NEK11: variants seen among roughly 807,000 people sequenced by gnomAD.
The protein encoded by NEK11 is NIMA related kinase 11, also known as serine/threonine-protein kinase Nek11.
Under a neutral mutation model 80.7 loss-of-function variants are expected in NEK11, and 72 were observed. The ratio of observed to expected loss-of-function variants is 0.89; its 90% CI spans 0.74 to 1.08. The LOEUF (loss-of-function observed/expected upper bound fraction) is 1.08, where lower values mean the gene tolerates loss of function less well. Among genes scored for constraint, NEK11 ranks in the 50% least tolerant of loss-of-function variants. NEK11 has a pLI of 0.00. For synonymous variants in NEK11, 251 were observed against 260.7 expected, an observed-to-expected ratio of 0.96 and a Z score of 0.36; for missense variants, 764 against 763.6, an observed-to-expected ratio of 1.00 and a Z score of -0.01.
intron 5 of NEK11, among the ~76,000 whole-genome samples, chr3:131,132,253 T>C (rs1294573281): frequency 6.6e-6 from 1 of 152,052 alleles, no homozygotes; most frequent in East Asian, 1.9e-4. Flanking sequence ...TCTAGTTCTT[T>C]ATAATTCCAT....
At chr3:131,080,130 A>G (rs969312862) in intron 3 of NEK11, among the ~76,000 whole-genome samples, 4 of 152,046 alleles carry the variant, frequency 2.6e-5, no homozygotes, top group Non-Finnish European at 5.9e-5. Flanking sequence ...AGAGACACTG[A>G]AACATCTAGA....
At chr3:131,128,272 G>A (rs1322120811) in intron 5 of NEK11, among the ~76,000 whole-genome samples, 1 of 152,152 alleles carries the variant, frequency 6.6e-6, no homozygotes, top group African/African-American at 2.4e-5. Flanking sequence ...GTATCATAAA[G>A]TTGTTGCATG....
intron 3 of NEK11, among the ~76,000 whole-genome samples, chr3:131,078,827 G>C (rs543398493): frequency 1.3e-5 from 2 of 149,508 alleles, no homozygotes; most frequent in Non-Finnish European, 3.0e-5. Context: ...CCAGTTTTTG[G>C]CTGTATAGCC....
intron 17 of NEK11, among the ~76,000 whole-genome samples, chr3:131,282,108 T>C (rs2096404538): frequency 6.6e-6 from 1 of 152,066 alleles, no homozygotes; most frequent in Non-Finnish European, 1.5e-5. Flanking sequence ...TACTTTTTTT[T>C]CTCATTTAGC....
At chr3:131,184,667 G>A in intron 14 of NEK11, 1 of 715,308 alleles carries the variant, frequency 1.4e-6, no homozygotes. Flanking sequence ...GTGCATCACT[G>A]TTCATCTATA....
At chr3:131,197,662 C>A (rs946959682) in intron 14 of NEK11, among the ~76,000 whole-genome samples, 5 of 152,082 alleles carry the variant, frequency 3.3e-5, no homozygotes, top group Non-Finnish European at 7.4e-5. Flanking sequence ...TAAGTAATTT[C>A]TATTGGTTAG....
At chr3:131,322,935 A>T (rs917538338) in intron 17 of NEK11, among the ~76,000 whole-genome samples, 15 of 152,198 alleles carry the variant, frequency 9.9e-5, no homozygotes, top group African/African-American at 3.4e-4. Flanking sequence ...TAGACTTTCC[A>T]GTTAGAGGAA....
In NEK11 at chr3:131,347,911, T is replaced by C. The variant is rs114379728; in HGVS notation, c.1719-1646T>C. Among the ~76,000 whole-genome samples the C allele has an allele frequency of 9.9e-3, 1,480 of 148,892 alleles. 21 individuals carry two copies. The highest frequency in any genetic ancestry group is 0.033 in the African/African-American group (1,326 of 39,982). On this transcript the variant is annotated intron_variant, in intron 17 of 17. Transcript: ENST00000383366. ...CTGAGATCACACCAGTGCAGAGACT[T>C]CATCTCCAAAAAAAAAAAATACACA...
intron 14 of NEK11, among the ~76,000 whole-genome samples, chr3:131,183,956 G>A (rs552286416): frequency 2.6e-5 from 4 of 152,040 alleles, no homozygotes; most frequent in Non-Finnish European, 5.9e-5. Flanking sequence ...GTTGTTTCTC[G>A]ACTTTTTATA....
intron 3 of NEK11, among the ~76,000 whole-genome samples, chr3:131,064,917 T>C (rs182392511): frequency 1.6e-4 from 25 of 151,668 alleles, no homozygotes; most frequent in Non-Finnish European, 2.9e-4. Flanking sequence ...AGAGTGAACG[T>C]TGGAGCCAAA....
chr3:131,169,031 G>A (rs182068788), intron 13 of NEK11, 94 bp downstream of exon 13: 16 of 870,682 alleles, frequency 1.8e-5, no homozygotes, highest in African/African-American at 3.4e-5. Flanking sequence ...CGAACACTTT[G>A]CAGAGGAGCC....
intron 3 of NEK11, among the ~76,000 whole-genome samples, chr3:131,049,681 A>G (rs932879849): frequency 1.1e-4 from 16 of 152,224 alleles, no homozygotes; most frequent in African/African-American, 3.6e-4. Context: ...CAGATAAACT[A>G]TGCAGAACCA....
chr3:131,038,091 C>T (rs542215708), intron 3 of NEK11, among the ~76,000 whole-genome samples: 74 of 152,038 alleles, frequency 4.9e-4, no homozygotes, highest in Middle Eastern at 3.4e-3. Context: ...AATCTTCCTG[C>T]TTATCTTTTA....
intron 14 of NEK11, among the ~76,000 whole-genome samples, chr3:131,180,698 C>G (rs1373757380): frequency 6.6e-6 from 1 of 152,150 alleles, no homozygotes; most frequent in Non-Finnish European, 1.5e-5. Context: ...AAGACACCAT[C>G]AATTTTGAGA....
Position 131,080,441 on chromosome 3 carries a change from A to G in NEK11, c.189A>G (p.Ile63Met). The G allele has an allele frequency of 6.2e-7, 1 of 1,602,470 alleles. No homozygotes were observed. Among genetic ancestry groups the G allele is most frequent in the African/African-American group, 1.3e-5 (1 of 74,256 alleles). The change falls in exon 4 of 18, where the codon ATA becomes ATG. Residue 63 changes from isoleucine to methionine, a missense_variant. Physicochemically the swap from Ile to Met is conservative, Grantham distance 10. Coordinates refer to ENST00000383366, the MANE Select transcript of NEK11 (RefSeq NM_024800.5). Reference sequence around the variant, plus strand: ...ATCTCAGAAAGGTACTTAAGGAAATATCTGTTGGAGAACTAAATCCAAATG... The same window carrying G: ...ATCTCAGAAAGGTACTTAAGGAAATGTCTGTTGGAGAACTAAATCCAAATG... ...RGEELKVLKE[I>M]SVGELNPNET...
At chr3:131,110,693 G>T (rs552553108) in intron 5 of NEK11, among the ~76,000 whole-genome samples, 1 of 152,158 alleles carries the variant, frequency 6.6e-6, no homozygotes, top group East Asian at 1.9e-4. Context: ...GTTAACACAT[G>T]GTACCATTCT....
At chr3:131,160,821 CAAA>C (rs2091445385) in intron 10 of NEK11, among the ~76,000 whole-genome samples, 1 of 152,080 alleles carries the variant, frequency 6.6e-6, no homozygotes, top group South Asian at 2.1e-4. Flanking sequence ...TAATCAAAAA[CAAA>C]GAAGAGCATT....
At chr3:131,048,963 A>C (rs543214735) in intron 3 of NEK11, among the ~76,000 whole-genome samples, 1 of 152,310 alleles carries the variant, frequency 6.6e-6, no homozygotes, top group East Asian at 1.9e-4. Context: ...GTACAGAAGC[A>C]CTGTAAGGAG....
intron 15 of NEK11, among the ~76,000 whole-genome samples, chr3:131,240,472 T>G (rs1041861232): frequency 6.6e-6 from 1 of 152,186 alleles, no homozygotes; most frequent in African/African-American, 2.4e-5. Context: ...AATGGGAGGC[T>G]AAGGCTTCAT....
Sources: allele counts gnomAD v4.1 joint callset (sites outside exome capture counted in the v4.1 genomes callset), GRCh38; gene constraint gnomAD v4.1.1; transcripts MANE v1.5; gene names NCBI Gene and HGNC (gene_info 2026-07-23, HGNC 2026-07-21).